Variants in HTRA4 observed in about 807,000 individuals in gnomAD.
HTRA4 encodes the protein serine protease HTRA4.
A neutral mutation model predicts 49.1 loss-of-function variants in HTRA4; 46 were observed. The observed-to-expected ratio is 0.94, with a 90% CI of 0.74 to 1.20. HTRA4 has a LOEUF of 1.20. Among genes scored for constraint, HTRA4 ranks in the 50% most tolerant of loss-of-function variants. The pLI, the probability that HTRA4 is intolerant of heterozygous loss-of-function variation, is 0.00. For synonymous variants in HTRA4, 261 were observed against 264.0 expected, an observed-to-expected ratio of 0.99 and a Z score of 0.11; for missense variants, 602 against 636.9, an observed-to-expected ratio of 0.95 and a Z score of 0.59.
chr8:38,976,283 A>C (rs1488451187), intron 2 of HTRA4, among the ~76,000 whole-genome samples: 1 of 152,122 alleles, frequency 6.6e-6, no homozygotes. Context: ...GTGGTGGTGC[A>C]TGCCTGTTAT....
At chr8:38,985,947 A>G (rs1248181060) in intron 8 of HTRA4, among the ~76,000 whole-genome samples, 2 of 152,216 alleles carry the variant, frequency 1.3e-5, no homozygotes, top group Admixed American at 6.5e-5. Flanking sequence ...ATGATGTGGG[A>G]GGATCATTTG....
intron 8 of HTRA4, among the ~76,000 whole-genome samples, chr8:38,984,897 C>T (rs1448040705): frequency 1.3e-5 from 2 of 152,138 alleles, no homozygotes; most frequent in African/African-American, 4.8e-5. Flanking sequence ...GCCTGTGCAA[C>T]AGAGTGAGAC....
rs141254036 is a variant in HTRA4 at position 38,975,115 on chromosome 8, T to C, written c.551T>C (p.Val184Ala). The C allele has an allele frequency of 3.7e-4, 597 of 1,613,718 alleles. No homozygotes were observed. The African/African-American group carries it at 7.5e-3, about 20-fold the overall frequency. The change falls in exon 2 of 9, where the codon GTG (valine) becomes GCG (alanine). Residue 184 changes from valine (V) to alanine (A), a missense_variant. By Grantham distance (64) the Val-to-Ala change is moderately conservative (BLOSUM62 0). Transcript: ENST00000302495. ...VEKVAPSVVH[V>A]QLWGRLLHGS... Reference sequence around the variant, plus strand: ...AAGGTGGCGCCATCGGTGGTTCACGTGCAGCTGTGGGGCAGGTAAAGGAGG... The same window carrying C: ...AAGGTGGCGCCATCGGTGGTTCACGCGCAGCTGTGGGGCAGGTAAAGGAGG...
In HTRA4 at chr8:38,983,061, A is replaced by G; in HGVS notation, c.1268+13A>G. 1 of 1,576,350 alleles carries G rather than the reference A, an allele frequency of 6.3e-7. No homozygotes were observed. Among genetic ancestry groups the G allele is most frequent in the Non-Finnish European group, 8.7e-7 (1 of 1,147,168 alleles). ...CAGCTGCTCAAAGGTAAGAGAAGTG[A>G]AGGCCTTTGTCATCTACCTTTGCTT... On this transcript the variant is annotated intron_variant, in intron 8 of 8. Coordinates refer to ENST00000302495, the MANE Select transcript of HTRA4 (RefSeq NM_153692.4).
chr8:38,977,436 G>A (rs1835366931), intron 3 of HTRA4, among the ~76,000 whole-genome samples: 1 of 152,058 alleles, frequency 6.6e-6, no homozygotes, highest in African/African-American at 2.4e-5. Flanking sequence ...ATATTGACAT[G>A]GTGTCTGAGA....
rs1334240053 is a variant in HTRA4 at position 38,974,267 on chromosome 8, A to G, written c.4A>G (p.Ile2Val). The G allele has an allele frequency of 6.2e-7, 1 of 1,612,130 alleles. No homozygotes were observed. The highest frequency in any genetic ancestry group is 8.5e-7 in the Non-Finnish European group (1 of 1,179,440). Residue 2 changes from isoleucine (I) to valine (V), a missense_variant, in exon 1 of 9, where the codon ATT (isoleucine) becomes GTT (valine). Ile to Val is a conservative substitution (Grantham distance 29). Coordinates refer to ENST00000302495, the MANE Select transcript of HTRA4 (RefSeq NM_153692.4). M[I>V]RPQLRTAGLG... ...GTGGAAGCGAGGAAGGAACAGGATGATTAGACCTCAGCTGCGGACCGCGGG... is the reference window on the plus strand; with the variant it reads ...GTGGAAGCGAGGAAGGAACAGGATGGTTAGACCTCAGCTGCGGACCGCGGG...
At position 38,974,387 on chromosome 8, in the gene HTRA4, G is replaced by A; in HGVS notation, c.124G>A (p.Ala42Thr). The A allele has an allele frequency of 6.4e-7, 1 of 1,574,726 alleles. No individual in the cohort carries two copies. Among genetic ancestry groups the A allele is most frequent in the Non-Finnish European group, 8.6e-7 (1 of 1,161,824 alleles). ...EKLHTQPSCP[A>T]VCQPTRCPAL... ...GCTACATACCCAGCCCTCCTGCCCC[G>A]CGGTCTGCCAGCCCACGCGCTGCCC... is the stretch of plus-strand genomic sequence containing the variant. Residue 42 changes from alanine (A) to threonine (T), a missense_variant, in exon 1 of 9, where the codon GCG (alanine) becomes ACG (threonine). Ala to Thr is a moderately conservative substitution (Grantham distance 58). Transcript: ENST00000302495.
chr8:38,977,873 GAC>G, intron 3 of HTRA4, 78 bp from the exon 4 acceptor site: 1 of 1,428,612 alleles, frequency 7.0e-7, no homozygotes, highest in Non-Finnish European at 9.8e-7. Context: ...ATATGTGTTA[GAC>G]ACACACTTTG....
chr8:38,975,441 T>C (rs1304771997), intron 2 of HTRA4, among the ~76,000 whole-genome samples: 1 of 152,168 alleles, frequency 6.6e-6, no homozygotes, highest in Non-Finnish European at 1.5e-5. Context: ...GACAAGGTCT[T>C]GCTCTGTCGC....
chr8:38,974,798 C>T, intron 1 of HTRA4, 69 bp downstream of exon 1: 1 of 1,364,222 alleles, frequency 7.3e-7, no homozygotes, highest in Non-Finnish European at 9.7e-7. Flanking sequence ...AACAAGACCT[C>T]ACTGAGACCG....
At chr8:38,981,264 A>G (rs1444250215) in intron 5 of HTRA4, among the ~76,000 whole-genome samples, 1 of 150,864 alleles carries the variant, frequency 6.6e-6, no homozygotes, top group Non-Finnish European at 1.5e-5. Context: ...TATTTTTAGT[A>G]GAGATGGGGT....
At chr8:38,977,881 C>A in intron 3 of HTRA4, 72 bp from the exon 4 acceptor site, 1 of 1,510,976 alleles carries the variant, frequency 6.6e-7, no homozygotes, top group Admixed American at 1.9e-5. Context: ...TAGACACACA[C>A]TTTGGTCAAT....
chr8:38,985,319 C>T (rs988201528), intron 8 of HTRA4, among the ~76,000 whole-genome samples: 10 of 152,090 alleles, frequency 6.6e-5, no homozygotes, highest in Admixed American at 5.9e-4. Context: ...TGCCACCACG[C>T]GCAGCTAATT....
chr8:38,976,688 C>T lies in HTRA4; in HGVS notation c.720C>T (p.Val240=), dbSNP rs2129427021. Residue 240 remains valine (V), a synonymous_variant, in exon 3 of 9, where the codon GTC becomes GTT. Coordinates refer to ENST00000302495, the MANE Select transcript of HTRA4 (RefSeq NM_153692.4). ...ATGGGGCCCGTTATGAAGCTGTTGT[C>T]AAGGATATTGACCTTAAATTGGATC... ...LQNGARYEAV[V]KDIDLKLDLA... 1 of 1,614,132 alleles carries T rather than the reference C, an allele frequency of 6.2e-7. No individual in the cohort carries two copies.
At chr8:38,976,933 C>A (rs895298162) in intron 3 of HTRA4, among the ~76,000 whole-genome samples, 194 bp downstream of exon 3, 11 of 151,630 alleles carry the variant, frequency 7.3e-5, no homozygotes, top group African/African-American at 2.2e-4. Context: ...CTAACCGTTT[C>A]TTTCTTTTCT....
chr8:38,981,972 C>A (rs1041781187), intron 6 of HTRA4, among the ~76,000 whole-genome samples: 1 of 152,034 alleles, frequency 6.6e-6, no homozygotes, highest in East Asian at 1.9e-4. Flanking sequence ...CTCAGCCTTC[C>A]GAGTAGCTGG....
rs1835498548 is a variant in HTRA4, at chr8:38,987,564, T to C, written c.1269-372T>C. Reference sequence around the variant, plus strand: ...AAGTGTCTGGGAGAAAACATATTGCTTGGGCTTTTCACTTTGGCTGCTGAG... The same window carrying C: ...AAGTGTCTGGGAGAAAACATATTGCCTGGGCTTTTCACTTTGGCTGCTGAG... On this transcript the variant is annotated intron_variant, in intron 8 of 8. Transcript: ENST00000302495. Among the ~76,000 whole-genome samples, 4 of 152,070 alleles carry C rather than the reference T, an allele frequency of 2.6e-5. No individual in the cohort carries two copies. In the South Asian group the frequency reaches 8.3e-4, roughly 32 times the overall value.
Position 38,978,016 on chromosome 8 carries a change from G to A in HTRA4, c.835G>A (p.Ala279Thr). 1.2e-6 allele frequency: 2 copies of A among 1,614,150 alleles called. No individual in the cohort carries two copies. Among genetic ancestry groups the A allele is most frequent in the Non-Finnish European group, 1.7e-6 (2 of 1,180,046 alleles). ...SDLRAGEFVV[A>T]LGSPFSLQNT... is the part of the protein sequence containing the mutation. ...CCTTCGGGCTGGAGAGTTTGTGGTG[G>A]CTTTGGGCAGCCCATTTTCTCTGCA... The change falls in exon 4 of 9, where the codon GCT (alanine) becomes ACT (threonine). Residue 279 changes from alanine to threonine, a missense_variant. Coordinates refer to ENST00000302495, the MANE Select transcript of HTRA4 (RefSeq NM_153692.4).
At chr8:38,980,991 C>CT (rs1835411481) in intron 5 of HTRA4, among the ~76,000 whole-genome samples, 1 of 149,100 alleles carries the variant, frequency 6.7e-6, no homozygotes, top group African/African-American at 2.5e-5. Flanking sequence ...GTCCTTCTAC[C>CT]TTTGTCAAAA....
Sources: allele counts gnomAD v4.1 joint callset (sites outside exome capture counted in the v4.1 genomes callset), GRCh38; gene constraint gnomAD v4.1.1; transcripts MANE v1.5; gene names NCBI Gene and HGNC (gene_info 2026-07-23, HGNC 2026-07-21).